The following RUBCNL variants were observed in gnomAD, a reference collection of about 807,000 sequenced individuals.
RUBCNL encodes the protein protein associated with UVRAG as autophagy enhancer.
Under a neutral mutation model 69.5 loss-of-function variants are expected in RUBCNL, and 62 were observed. That is an observed-to-expected ratio of 0.89 (90% CI 0.73 to 1.10). The LOEUF is 1.10. Among genes scored for constraint, RUBCNL ranks in the 50% least tolerant of loss-of-function variants. The pLI, the probability that RUBCNL is intolerant of heterozygous loss-of-function variation, is 0.00. For missense variants in RUBCNL, 768 were observed against 798.1 expected, an observed-to-expected ratio of 0.96 and a Z score of 0.45; for synonymous variants, 291 against 303.6, an observed-to-expected ratio of 0.96 and a Z score of 0.43.
At chr13:46,378,100 TAAG>T in intron 1 of RUBCNL, 95 bp from the exon 2 acceptor site, 1 of 660,938 alleles carries the variant, frequency 1.5e-6, no homozygotes, top group Non-Finnish European at 2.5e-6. Context: ...GTTATTCAGT[TAAG>T]AAATATTTTT....
rs372162294 is a variant in RUBCNL at position 46,372,287 on chromosome 13, C to A, written c.189G>T (p.Pro63=). The A allele has an allele frequency of 1.9e-6, 3 of 1,613,984 alleles. No homozygotes were observed. Among genetic ancestry groups the A allele is most frequent in the South Asian group, 1.1e-5 (1 of 91,082 alleles). Residue 63 remains proline (P), a synonymous_variant, in exon 3 of 15, where the codon CCG becomes CCT. Transcript: ENST00000429979. ...WINPQDVQQQ[P]QDLQSQVPAA... is the part of the protein sequence containing the mutation. Reference sequence around the variant, plus strand: ...CTGGCACCTGAGATTGCAAGTCCTGCGGCTGTTGCTGCACATCCTGGGGGT... The same window carrying A: ...CTGGCACCTGAGATTGCAAGTCCTGAGGCTGTTGCTGCACATCCTGGGGGT...
At position 46,356,424 on chromosome 13, in the gene RUBCNL, G is replaced by A. The variant is rs377408517; in HGVS notation, c.1330+8C>T. 1.5e-5 allele frequency: 24 copies of A among 1,613,318 alleles called. No individual in the cohort carries two copies. Among genetic ancestry groups the A allele is most frequent in the African/African-American group, 1.2e-4 (9 of 74,860 alleles). ...ATCATAAGCAGGCGATCCATTATCC[G>A]TACTTACTAGGCTCTACTGGAGTTC... On this transcript the variant is annotated splice_region_variant and intron_variant, in intron 10 of 14. Coordinates refer to ENST00000429979, the MANE Select transcript of RUBCNL (RefSeq NM_025113.5).
At chr13:46,371,003 T>C (rs1297737930) in intron 3 of RUBCNL, among the ~76,000 whole-genome samples, 3 of 152,106 alleles carry the variant, frequency 2.0e-5, no homozygotes, top group Non-Finnish European at 2.9e-5. Flanking sequence ...TGAAAGATTG[T>C]CCAAAATTTG....
At chr13:46,346,125 T>C (rs1740519684) in intron 12 of RUBCNL, among the ~76,000 whole-genome samples, 1 of 152,190 alleles carries the variant, frequency 6.6e-6, no homozygotes, top group Non-Finnish European at 1.5e-5. Context: ...TCATGGTCCC[T>C]AGGGCATTCA....
In RUBCNL at chr13:46,362,963, T is replaced by TAG. The variant is rs1355872092; in HGVS notation, c.925+151_925+152insCT. ...AGATATATATATATATATATATATATATATATATATATCAGGGCCATAATC... is the reference window on the plus strand; with the variant it reads ...AGATATATATATATATATATATATATAGATATATATATATCAGGGCCATAATC... On this transcript the variant is annotated intron_variant, in intron 6 of 14. Coordinates refer to ENST00000429979, the MANE Select transcript of RUBCNL (RefSeq NM_025113.5). Among the ~76,000 whole-genome samples the TAG allele has an allele frequency of 1.4e-4, 14 of 98,708 alleles. 1 individual carries two copies. The highest frequency in any genetic ancestry group is 2.6e-4 in the Non-Finnish European group (13 of 50,838). 64.8% of individuals were successfully genotyped at this position (98,708 alleles called of 152,430 possible). A position where few individuals can be genotyped will look rare whatever the true frequency, so the allele number is the denominator to read the frequency against.
chr13:46,387,501 C>T, upstream of RUBCNL: 1 of 985,658 alleles, frequency 1.0e-6, no homozygotes, highest in South Asian at 4.7e-5. Context: ...CTAGAAATCC[C>T]GCCCTGCCTA....
chr13:46,389,514 C>T (rs1015779329), upstream of RUBCNL, among the ~76,000 whole-genome samples: 2 of 152,174 alleles, frequency 1.3e-5, no homozygotes. This position sits in a 1 kb window ranked among gnomAD's most constrained non-coding sequence, Gnocchi z 4.2. Flanking sequence ...TGGACATAGT[C>T]CAAGGCAAGA....
intron 1 of RUBCNL, among the ~76,000 whole-genome samples, chr13:46,381,850 G>C (rs749853714): frequency 6.6e-6 from 1 of 152,212 alleles, no homozygotes; most frequent in Non-Finnish European, 1.5e-5. Flanking sequence ...TGTTGCTCAG[G>C]CTAGAGTGCA....
chr13:46,352,607 C>A (rs1012834512), intron 10 of RUBCNL, among the ~76,000 whole-genome samples: 5 of 151,918 alleles, frequency 3.3e-5, no homozygotes, highest in African/African-American at 1.2e-4. Context: ...GAATTTGAGA[C>A]CAGCCTGACC....
chr13:46,390,024 A>T (rs1473954885), upstream of RUBCNL: 1 of 152,046 alleles, frequency 6.6e-6, no homozygotes, highest in East Asian at 1.9e-4. Flanking sequence ...AGTGTCAGGG[A>T]CAACTCACTG....
chr13:46,335,482 T>C lies in RUBCNL; in HGVS notation c.*7903A>G, dbSNP rs146292048. On this transcript the variant is annotated 3_prime_UTR_variant, in exon 15 of 15. Coordinates refer to ENST00000429979, the MANE Select transcript of RUBCNL (RefSeq NM_025113.5). ...GATTTATGCTTTATAAACATTCTGG[T>C]GTTGTGTGGAGAATGGACTATAGAG... Among the ~76,000 whole-genome samples the C allele has an allele frequency of 2.0e-3, 301 of 152,074 alleles. 1 individual carries two copies. Among genetic ancestry groups the C allele is most frequent in the African/African-American group, 6.9e-3 (287 of 41,458 alleles).
At position 46,343,286 on chromosome 13, in the gene RUBCNL, T is replaced by C. The variant is rs530080948; in HGVS notation, c.*99A>G. On this transcript the variant is annotated 3_prime_UTR_variant, in exon 15 of 15. Coordinates refer to ENST00000429979, the MANE Select transcript of RUBCNL (RefSeq NM_025113.5). Reference sequence around the variant, plus strand: ...ATATAGACCATCTTTTTCCTTAATATACAATACCCAATATCTAAAACAATG... The same window carrying C: ...ATATAGACCATCTTTTTCCTTAATACACAATACCCAATATCTAAAACAATG... The C allele has an allele frequency of 2.0e-6, 3 of 1,532,412 alleles. No homozygotes were observed. Among genetic ancestry groups the C allele is most frequent in the South Asian group, 1.2e-5 (1 of 83,692 alleles). 94.9% of individuals were successfully genotyped at this position (1,532,412 alleles called of 1,614,324 possible).
chr13:46,380,887 TA>T (rs570142128), intron 1 of RUBCNL, among the ~76,000 whole-genome samples: 93 of 151,944 alleles, frequency 6.1e-4, no homozygotes, highest in South Asian at 1.2e-3. Flanking sequence ...TTACATATAT[TA>T]AAAAAAACCA....
chr13:46,377,860 A>C, intron 2 of RUBCNL, 30 bp downstream of exon 2: 1 of 1,330,750 alleles, frequency 7.5e-7, no homozygotes, highest in South Asian at 1.2e-5. Context: ...AGTGGCAGAG[A>C]GAAGACAAAA....
intron 12 of RUBCNL, 121 bp from the exon 13 acceptor site, chr13:46,345,721 A>T: frequency 1.1e-6 from 1 of 952,042 alleles, no homozygotes; most frequent in South Asian, 1.9e-5. Flanking sequence ...AATTTAAAAA[A>T]TAAATAGCTC....
chr13:46,371,793 G>C (rs1226154528), intron 3 of RUBCNL, 148 bp downstream of exon 3: 2 of 763,038 alleles, frequency 2.6e-6, no homozygotes, highest in Non-Finnish European at 4.2e-6. Context: ...GATTTCACCT[G>C]TTGTGACCGC....
At chr13:46,369,839 T>A (rs1400729943) in intron 3 of RUBCNL, among the ~76,000 whole-genome samples, 1 of 152,272 alleles carries the variant, frequency 6.6e-6, no homozygotes, top group South Asian at 2.1e-4. Context: ...GCAAGCAGAG[T>A]CATTCAAATC....
In RUBCNL at chr13:46,339,864, A is replaced by AACAAAG. The variant is rs1173198209; in HGVS notation, c.*3520_*3521insCTTTGT. On this transcript the variant is annotated 3_prime_UTR_variant, in exon 15 of 15. Transcript: ENST00000429979. ...ACAGAGCAAGACTCCATTTCAAAAA[A>AACAAAG]ACAAAAACAAAAACAAAACAAAACA... Among the ~76,000 whole-genome samples, 2 of 150,942 alleles carry AACAAAG rather than the reference A, an allele frequency of 1.3e-5. No homozygotes were observed. Among genetic ancestry groups the AACAAAG allele is most frequent in the Non-Finnish European group, 3.0e-5 (2 of 67,524 alleles).
At chr13:46,368,389 T>C (rs1363927070) in intron 4 of RUBCNL, 140 bp from the exon 5 acceptor site, 1 of 1,425,936 alleles carries the variant, frequency 7.0e-7, no homozygotes, top group East Asian at 2.5e-5. Flanking sequence ...TGAGTTATCA[T>C]AGGTCACTCT....
Sources: allele counts gnomAD v4.1 joint callset (sites outside exome capture counted in the v4.1 genomes callset), GRCh38; gene constraint gnomAD v4.1.1; non-coding constraint Gnocchi (gnomAD v3.1); transcripts MANE v1.5; gene names NCBI Gene and HGNC (gene_info 2026-07-23, HGNC 2026-07-21).